The following LANCL3 variants were observed in gnomAD, a reference collection of about 807,000 sequenced individuals.
LANCL3 encodes LanC like family member 3.
A neutral mutation model predicts 26.5 loss-of-function variants in LANCL3; 19 were observed. The ratio of observed to expected loss-of-function variants is 0.72; its 90% CI spans 0.50 to 1.05. The LOEUF (loss-of-function observed/expected upper bound fraction) is 1.05, where lower values mean the gene tolerates loss of function less well. LANCL3 is among the 50% of genes least tolerant of loss of function. The pLI is 0.00. For missense variants in LANCL3, 318 were observed against 362.7 expected, an observed-to-expected ratio of 0.88 and a Z score of 1.00; for synonymous variants, 160 against 166.6, an observed-to-expected ratio of 0.96 and a Z score of 0.30.
At chrX:37,578,627 T>C (rs1923813182) in intron 1 of LANCL3, among the ~76,000 whole-genome samples, 2 of 112,167 alleles carry the variant, frequency 1.8e-5, no homozygotes, top group South Asian at 7.5e-4. Flanking sequence ...TTCCTACCTT[T>C]TCTTAAAAAT....
intron 1 of LANCL3, among the ~76,000 whole-genome samples, chrX:37,576,295 C>T (rs1341002385): frequency 1.4e-4 from 16 of 111,779 alleles, no homozygotes; most frequent in African/African-American, 5.2e-4. Context: ...CTTAACTTGG[C>T]CTTCCTGGAA....
In LANCL3 at chrX:37,682,134, G is replaced by A. The variant is rs1437341733; in HGVS notation, c.*6321G>A. Reference sequence around the variant, plus strand: ...TTTTTTTTTTTTGAGACGGAGTCTCGCTCTGTCGCCCAGGCTGGAGTGCAG... The same window carrying A: ...TTTTTTTTTTTTGAGACGGAGTCTCACTCTGTCGCCCAGGCTGGAGTGCAG... On this transcript the variant is annotated 3_prime_UTR_variant, in exon 5 of 5. Transcript: ENST00000378619. 1 of 97,399 alleles carries A rather than the reference G, an allele frequency of 1.0e-5. No individual in the cohort carries two copies. The highest frequency in any genetic ancestry group is 3.8e-5 in the African/African-American group (1 of 25,985). The allele number at this position is 97,399 out of a possible 1,213,427, so 8.0% of individuals were successfully genotyped here.
chrX:37,588,071 G>C (rs1461991416), intron 1 of LANCL3, among the ~76,000 whole-genome samples: 1 of 112,598 alleles, frequency 8.9e-6, no homozygotes, highest in African/African-American at 3.2e-5. Flanking sequence ...TAAACTCAGT[G>C]CTCTGTAAGG....
chrX:37,669,160 G>A (rs187696160), intron 4 of LANCL3, among the ~76,000 whole-genome samples: 18 of 111,484 alleles, frequency 1.6e-4, no homozygotes, highest in African/African-American at 5.9e-4. Flanking sequence ...TACTATATAT[G>A]TATAATAGTT....
intron 4 of LANCL3, 89 bp downstream of exon 4, chrX:37,667,578 A>T: frequency 2.8e-6 from 2 of 711,477 alleles, no homozygotes; most frequent in Non-Finnish European, 1.9e-6. Flanking sequence ...TGGTTTGAAA[A>T]GCATAAAAAT....
At chrX:37,641,246 G>A (rs1395330133) in intron 1 of LANCL3, among the ~76,000 whole-genome samples, 2 of 110,043 alleles carry the variant, frequency 1.8e-5, no homozygotes, top group East Asian at 2.8e-4. Flanking sequence ...AGGGGAGAAG[G>A]ATGGAAACAT....
Position 37,677,659 on chromosome X carries a change from A to G in LANCL3, c.*1846A>G, listed in dbSNP as rs782099297. The G allele has an allele frequency of 9.0e-6, 1 of 111,671 alleles. No homozygotes were observed. Among genetic ancestry groups the G allele is most frequent in the African/African-American group, 3.2e-5 (1 of 30,797 alleles). 9.2% of individuals were successfully genotyped at this position (111,671 alleles called of 1,213,427 possible). A position where few individuals can be genotyped will look rare whatever the true frequency, so the allele number is the denominator to read the frequency against. ...ATTGGGTCCAGAAGTTCTTTCATATAGGCTGAATATAATAACCATCCTATA... is the reference window on the plus strand; with the variant it reads ...ATTGGGTCCAGAAGTTCTTTCATATGGGCTGAATATAATAACCATCCTATA... On this transcript the variant is annotated 3_prime_UTR_variant, in exon 5 of 5. Coordinates refer to ENST00000378619, the MANE Select transcript of LANCL3 (RefSeq NM_001170331.2).
At chrX:37,582,249 G>A (rs1469582155) in intron 1 of LANCL3, among the ~76,000 whole-genome samples, 2 of 111,994 alleles carry the variant, frequency 1.8e-5, no homozygotes, top group African/African-American at 6.5e-5. Context: ...ACATACGTGT[G>A]CATGTGTCTT....
intron 1 of LANCL3, among the ~76,000 whole-genome samples, chrX:37,610,204 C>A (rs1924828751): frequency 9.0e-6 from 1 of 111,719 alleles, no homozygotes; most frequent in African/African-American, 3.3e-5. Flanking sequence ...GGGTTAGAAG[C>A]CTTGGTTCTT....
intron 1 of LANCL3, among the ~76,000 whole-genome samples, chrX:37,618,219 G>A (rs965067744): frequency 8.9e-6 from 1 of 112,331 alleles, no homozygotes; most frequent in Admixed American, 9.4e-5. Context: ...ATCCAGGCTA[G>A]GGGTACCTGT....
intron 1 of LANCL3, among the ~76,000 whole-genome samples, chrX:37,646,688 G>A (rs1008544299): frequency 5.4e-5 from 6 of 111,720 alleles, no homozygotes; most frequent in African/African-American, 1.6e-4. Context: ...GACAGGCCAC[G>A]TGGTGGTATC....
chrX:37,632,474 G>A (rs1355302262), intron 1 of LANCL3, among the ~76,000 whole-genome samples: 1 of 110,923 alleles, frequency 9.0e-6, no homozygotes, highest in Non-Finnish European at 1.9e-5. Flanking sequence ...ATATTGTTAT[G>A]TGTGAATTTG....
chrX:37,574,524 G>A (rs1350368189), intron 1 of LANCL3, among the ~76,000 whole-genome samples: 1 of 111,765 alleles, frequency 8.9e-6, no homozygotes. Context: ...ATTGGGATTA[G>A]TGCAATATAC....
At position 37,612,766 on chromosome X, in the gene LANCL3, C is replaced by G. The variant is rs782463896; in HGVS notation, c.573+40323C>G. On this transcript the variant is annotated intron_variant, in intron 1 of 4. Coordinates refer to ENST00000378619, the MANE Select transcript of LANCL3 (RefSeq NM_001170331.2). ...ACCAAATCCCTGCTTTCAAGAGTTT[C>G]ACTGTCTAGTAGAAAAGAGATCAGG... 3.6e-5 allele frequency among the ~76,000 whole-genome samples: 4 copies of G among 111,829 alleles called. No individual in the cohort carries two copies. The Admixed American group carries it at 3.8e-4, about 11-fold the overall frequency.
intron 1 of LANCL3, among the ~76,000 whole-genome samples, chrX:37,654,616 C>T (rs782444042): frequency 3.6e-5 from 4 of 111,588 alleles, no homozygotes; most frequent in Admixed American, 1.9e-4. Flanking sequence ...AAGAAACAAT[C>T]GTGGAGCGGA....
chrX:37,574,420 A>G (rs1923690656), intron 1 of LANCL3, among the ~76,000 whole-genome samples: 1 of 110,129 alleles, frequency 9.1e-6, no homozygotes, highest in Non-Finnish European at 1.9e-5. Context: ...TCCTCTGGCA[A>G]TTCCCTCAGT....
intron 1 of LANCL3, among the ~76,000 whole-genome samples, chrX:37,588,953 A>G (rs1924190980): frequency 9.0e-6 from 1 of 111,509 alleles, no homozygotes; most frequent in Admixed American, 9.5e-5. Flanking sequence ...TCTGGTGTCT[A>G]TGGCAACAAA....
At chrX:37,655,628 C>T in intron 1 of LANCL3, 60 bp from the exon 2 acceptor site, 1 of 1,036,994 alleles carries the variant, frequency 9.6e-7, no homozygotes, top group Non-Finnish European at 1.3e-6. Context: ...CAAGAAAATT[C>T]AGTGTCTAAG....
intron 1 of LANCL3, among the ~76,000 whole-genome samples, chrX:37,634,321 C>A (rs1157255875): frequency 8.9e-6 from 1 of 112,738 alleles, no homozygotes; most frequent in East Asian, 2.8e-4. Context: ...ACCCAATTTT[C>A]CGATTTTCCA....
Sources: gnomAD v4.1 joint callset for allele counts (sites outside exome capture counted in the v4.1 genomes callset) on GRCh38, gnomAD v4.1.1 for gene constraint, MANE v1.5 for transcripts, NCBI Gene and HGNC (gene_info 2026-07-23, HGNC 2026-07-21) for gene names.